USP30: variants seen among roughly 807,000 people sequenced by gnomAD.
USP30 encodes the protein ubiquitin carboxyl-terminal hydrolase 30.
USP30 carries 41 observed loss-of-function variants against 68.2 expected under a neutral mutation model. The observed-to-expected ratio is 0.60, with a 90% CI of 0.47 to 0.78. USP30 has a LOEUF of 0.78. Ranked by LOEUF, USP30 falls within the 30% of genes least tolerant of loss-of-function variation. USP30 has a pLI of 0.00. For synonymous variants in USP30, 229 were observed against 253.7 expected, an observed-to-expected ratio of 0.90 and a Z score of 0.93; for missense variants, 522 against 649.4, an observed-to-expected ratio of 0.80 and a Z score of 2.13.
chr12:109,035,174 A>G (rs1023196660), intron 3 of USP30, among the ~76,000 whole-genome samples: 9 of 151,968 alleles, frequency 5.9e-5, no homozygotes, highest in African/African-American at 2.2e-4. Context: ...TTTGCTTTCA[A>G]TATGTCATGT....
chr12:109,054,029 G>A (rs2040760714), intron 1 of USP30: 4 of 456,006 alleles, frequency 8.8e-6, no homozygotes, highest in South Asian at 4.6e-5. Context: ...CTGTGGGGTT[G>A]TTTTAAAAAT....
At chr12:109,081,061 A>G (rs937087872) in intron 7 of USP30, among the ~76,000 whole-genome samples, 6 of 152,360 alleles carry the variant, frequency 3.9e-5, no homozygotes, top group Admixed American at 3.3e-4. Context: ...AGTTATGCCC[A>G]TGGTTATTTC....
In USP30 at chr12:109,085,660, C is replaced by T. The variant is rs754382464; in HGVS notation, c.1290-7C>T. ...GTAAACCCCTGACATGTGTTCGTAT[C>T]ATTCAGCTCCTCCACATACCTCTTC... On this transcript the variant is annotated splice_region_variant and splice_polypyrimidine_tract_variant and intron_variant, in intron 12 of 12. Coordinates refer to ENST00000257548, the MANE Select transcript of USP30 (RefSeq NM_032663.5). The T allele has an allele frequency of 2.5e-6, 4 of 1,613,526 alleles. No homozygotes were observed. Among genetic ancestry groups the T allele is most frequent in the Non-Finnish European group, 3.4e-6 (4 of 1,179,512 alleles).
chr12:109,085,579 C>T, intron 12 of USP30, 88 bp from the exon 13 acceptor site: 1 of 1,488,974 alleles, frequency 6.7e-7, no homozygotes, highest in East Asian at 2.3e-5. Context: ...GTATTCATCC[C>T]CTATTTAACA....
At chr12:109,067,187 C>T (rs1407836451) in intron 3 of USP30, among the ~76,000 whole-genome samples, 1 of 143,580 alleles carries the variant, frequency 7.0e-6, no homozygotes, top group African/African-American at 2.7e-5. Context: ...GATGTCTGCT[C>T]ACTGCAAGCT....
Position 109,035,003 on chromosome 12 carries a change from T to C in USP30, c.-136+7447T>C, listed in dbSNP as rs376529752. 1.3e-3 allele frequency among the ~76,000 whole-genome samples: 194 copies of C among 152,332 alleles called. 10 individuals carry two copies. In the South Asian group the frequency reaches 0.04, roughly 31 times the overall value. The stretch of plus-strand genomic sequence containing the variant: ...TCCATCCATTTACTTTTAACCTATT[T>C]GTGTCTATGAATCTGAAATGAGACT... On this transcript the variant is annotated intron_variant, in intron 3 of 15. Transcript: ENST00000392784.
chr12:109,060,806 C>G (rs180967922), intron 3 of USP30, among the ~76,000 whole-genome samples: 61 of 152,256 alleles, frequency 4.0e-4, no homozygotes, highest in African/African-American at 1.4e-3. Context: ...AGGCATGCCC[C>G]ACCACGCCTG....
chr12:109,055,401 T>TATATATATATATATA (rs61062424), intron 1 of USP30, among the ~76,000 whole-genome samples: 7 of 29,632 alleles, frequency 2.4e-4, no homozygotes, highest in African/African-American at 7.3e-4. Flanking sequence ...TATATATATA[T>TATATATATATATATA]TTTTTTTTTT....
At chr12:109,052,456 T>G, upstream of USP30, 1 of 408,476 alleles carries the variant, frequency 2.4e-6, no homozygotes, top group Non-Finnish European at 4.3e-6. Context: ...CGCCGGGGCC[T>G]GTTGCTAAGG....
intron 6 of USP30, among the ~76,000 whole-genome samples, chr12:109,073,141 T>C (rs1197360982): frequency 6.6e-6 from 1 of 152,256 alleles, no homozygotes; most frequent in Non-Finnish European, 1.5e-5. Flanking sequence ...TTTTGACATC[T>C]CAAACATTTT....
chr12:109,030,293 C>G (rs1233912912), intron 3 of USP30, among the ~76,000 whole-genome samples: 1 of 152,128 alleles, frequency 6.6e-6, no homozygotes, highest in East Asian at 1.9e-4. Context: ...GAGACAGATA[C>G]CAACCTGCAG....
intron 3 of USP30, among the ~76,000 whole-genome samples, chr12:109,035,782 T>C (rs1179505970): frequency 6.6e-6 from 1 of 152,250 alleles, no homozygotes; most frequent in Non-Finnish European, 1.5e-5. Flanking sequence ...ATTACATCTT[T>C]AGGCATTGTG....
chr12:109,057,766 C>T (rs1398565536), intron 2 of USP30, among the ~76,000 whole-genome samples, 160 bp from the exon 3 acceptor site: 1 of 152,216 alleles, frequency 6.6e-6, no homozygotes. Context: ...CAAGCCTTGG[C>T]ACAGATAGAA....
intron 3 of USP30, among the ~76,000 whole-genome samples, chr12:109,065,600 C>T (rs2041222522): frequency 6.6e-6 from 1 of 152,324 alleles, no homozygotes; most frequent in South Asian, 2.1e-4. Context: ...CAATGGCTAA[C>T]ATACAGATGT....
At chr12:109,077,821 G>T (rs370070834) in intron 7 of USP30, among the ~76,000 whole-genome samples, 8 of 150,128 alleles carry the variant, frequency 5.3e-5, no homozygotes, top group African/African-American at 2.0e-4. Flanking sequence ...TTGTGTGTTT[G>T]TGTTGGGGGG....
intron 3 of USP30, among the ~76,000 whole-genome samples, chr12:109,039,488 C>T (rs2040547178): frequency 6.6e-6 from 1 of 152,134 alleles, no homozygotes; most frequent in East Asian, 1.9e-4. Context: ...ATATCTTACC[C>T]TATCTGCTGC....
exon 2 of USP30, chr12:109,024,877 C>T (rs80321363): frequency 0.075 from 11,483 of 152,380 alleles, 569 homozygotes; most frequent in East Asian, 0.14. Flanking sequence ...CCTTGGCCCC[C>T]CAAAGTGCTG....
Position 109,070,501 on chromosome 12 carries a change from A to T in USP30, c.481-1111A>T, listed in dbSNP as rs74908026. On this transcript the variant is annotated intron_variant, in intron 4 of 12. Coordinates refer to ENST00000257548, the MANE Select transcript of USP30 (RefSeq NM_032663.5). The surrounding 1 kb of genome is among the most constrained non-coding windows in gnomAD (Gnocchi z 4.0). ...CAGCAAAGAGGCCAGGGGCCGGGACATTGTGAATGTTGGGGGCTTTGTAGG... is the reference window on the plus strand; with the variant it reads ...CAGCAAAGAGGCCAGGGGCCGGGACTTTGTGAATGTTGGGGGCTTTGTAGG... Among the ~76,000 whole-genome samples the T allele has an allele frequency of 1.9e-3, 290 of 152,314 alleles. 1 individual carries two copies. The highest frequency in any genetic ancestry group is 6.3e-3 in the African/African-American group (260 of 41,588).
At chr12:109,045,040 C>T (rs2040592942) in intron 3 of USP30, among the ~76,000 whole-genome samples, 1 of 137,306 alleles carries the variant, frequency 7.3e-6, no homozygotes, top group African/African-American at 2.7e-5. Flanking sequence ...TGCAGTGGCG[C>T]AATCTCTGCT....
Sources: allele counts gnomAD v4.1 joint callset (sites outside exome capture counted in the v4.1 genomes callset), GRCh38; gene constraint gnomAD v4.1.1; non-coding constraint Gnocchi (gnomAD v3.1); transcripts MANE v1.5; gene names NCBI Gene and HGNC (gene_info 2026-07-23, HGNC 2026-07-21).